EFR3B: variants seen among roughly 807,000 people sequenced by gnomAD.
The protein encoded by EFR3B is protein EFR3 homolog B.
EFR3B carries 64 observed loss-of-function variants against 104.7 expected under a neutral mutation model. The observed-to-expected ratio is 0.61, with a 90% CI of 0.50 to 0.75. The LOEUF is 0.75. EFR3B is among the 30% of genes least tolerant of loss of function. EFR3B has a pLI of 0.00. For synonymous variants in EFR3B, 385 were observed against 417.9 expected (o/e 0.92, Z 0.96); for missense variants, 750 against 1,078.5 (o/e 0.70, Z 4.27).
At chr2:25,118,681 GGAGTTT>G (rs1241310065) in intron 4 of EFR3B, among the ~76,000 whole-genome samples, 1 of 126,108 alleles carries the variant, frequency 7.9e-6, no homozygotes, top group Non-Finnish European at 1.6e-5. Context: ...CTTGATCCCA[GGAGTTT>G]GAGACCAGCC....
rs114542937 is a variant in EFR3B, at chr2:25,111,010, T to A, written c.363+7223T>A. On this transcript the variant is annotated intron_variant, in intron 4 of 22. Coordinates refer to ENST00000403714, the MANE Select transcript of EFR3B (RefSeq NM_014971.2). ...CCTCCATTCTGGATTTGTCTGGTTCTTTGCTGCGGTGTCACTTATCTGACT... is the reference window on the plus strand; with the variant it reads ...CCTCCATTCTGGATTTGTCTGGTTCATTGCTGCGGTGTCACTTATCTGACT... Among the ~76,000 whole-genome samples, 639 of 152,366 alleles carry A rather than the reference T, an allele frequency of 4.2e-3. 8 individuals are homozygous for A. Among genetic ancestry groups the A allele is most frequent in the African/African-American group, 0.015 (622 of 41,590 alleles).
chr2:25,154,511 C>A lies in EFR3B; in HGVS notation c.*171C>A. ...GACTCTCTGGTCCTTCTTGGCCCTC[C>A]TACCTCCTCCTCGTCTTCCCTGAGG... On this transcript the variant is annotated 3_prime_UTR_variant, in exon 23 of 23. Coordinates refer to ENST00000403714, the MANE Select transcript of EFR3B (RefSeq NM_014971.2). The surrounding 1 kb of genome is among the most constrained non-coding windows in gnomAD (Gnocchi z 4.1). The A allele has an allele frequency of 1.7e-6, 1 of 598,098 alleles. No individual in the cohort carries two copies. The highest frequency in any genetic ancestry group is 2.9e-5 in the East Asian group (1 of 34,292). The allele number at this position is 598,098 out of a possible 1,614,324, so 37.0% of individuals were successfully genotyped here. A position where few individuals can be genotyped will look rare whatever the true frequency, so the allele number is the denominator to read the frequency against.
At chr2:25,153,894 T>C (rs1412627344) in intron 22 of EFR3B, 133 bp downstream of exon 22, 1 of 982,600 alleles carries the variant, frequency 1.0e-6, no homozygotes, top group Non-Finnish European at 1.6e-6. Context: ...CTCTATCCCC[T>C]GGGCTGGAGT....
chr2:25,079,060 C>T (rs959775283), intron 1 of EFR3B, among the ~76,000 whole-genome samples: 16 of 152,112 alleles, frequency 1.1e-4, no homozygotes, highest in African/African-American at 3.6e-4. Flanking sequence ...AGAGGACCCC[C>T]TACAGTGGAG....
chr2:25,069,263 C>T (rs1207578197), intron 1 of EFR3B, among the ~76,000 whole-genome samples: 3 of 152,118 alleles, frequency 2.0e-5, no homozygotes, highest in Admixed American at 6.5e-5. Flanking sequence ...GGCACAGCAG[C>T]GAAGCCAGGG....
intron 3 of EFR3B, among the ~76,000 whole-genome samples, chr2:25,094,250 A>G (rs1301080543): frequency 7.5e-6 from 1 of 134,224 alleles, no homozygotes; most frequent in African/African-American, 2.9e-5. Flanking sequence ...GCACCACTGC[A>G]CTCTAGCCTG....
At chr2:25,051,288 A>ATT (rs1667861560) in intron 1 of EFR3B, among the ~76,000 whole-genome samples, 6 of 151,152 alleles carry the variant, frequency 4.0e-5, no homozygotes, top group Admixed American at 3.9e-4. Context: ...ATTTTTTTGT[A>ATT]TTTTTAGTAG....
At chr2:25,138,712 G>A (rs565198793) in intron 15 of EFR3B, among the ~76,000 whole-genome samples, 19 of 152,250 alleles carry the variant, frequency 1.2e-4, no homozygotes, top group African/African-American at 4.1e-4. Context: ...CTAAGAATCC[G>A]CTATAGTGAA....
chr2:25,072,306 G>C (rs1040227468), intron 1 of EFR3B, among the ~76,000 whole-genome samples: 6 of 152,094 alleles, frequency 3.9e-5, no homozygotes, highest in Non-Finnish European at 7.4e-5. Flanking sequence ...TTTGAGACAA[G>C]ATTTTGCTCT....
intron 1 of EFR3B, among the ~76,000 whole-genome samples, chr2:25,087,945 A>G (rs1229446045): frequency 6.6e-6 from 1 of 152,178 alleles, no homozygotes; most frequent in Non-Finnish European, 1.5e-5. Flanking sequence ...ATTCAGGTGA[A>G]TGATTTATTT....
At chr2:25,121,893 G>A in intron 5 of EFR3B, 99 bp downstream of exon 5, 1 of 1,484,116 alleles carries the variant, frequency 6.7e-7, no homozygotes, top group Non-Finnish European at 9.1e-7. Context: ...GTCTGCTTTT[G>A]TTAGTATCTG....
chr2:25,072,733 C>T (rs1668531957), intron 1 of EFR3B, among the ~76,000 whole-genome samples: 1 of 152,156 alleles, frequency 6.6e-6, no homozygotes, highest in African/African-American at 2.4e-5. Context: ...TTCAGAAAGC[C>T]CTCAAACAGC....
intron 3 of EFR3B, among the ~76,000 whole-genome samples, chr2:25,101,464 T>C (rs928714225): frequency 9.9e-5 from 15 of 152,234 alleles, no homozygotes; most frequent in African/African-American, 3.6e-4. Flanking sequence ...ATCCTCCCAC[T>C]TCAGCCTTTG....
intron 5 of EFR3B, among the ~76,000 whole-genome samples, chr2:25,122,379 C>T (rs1192618894): frequency 1.3e-5 from 2 of 152,114 alleles, no homozygotes; most frequent in Admixed American, 6.5e-5. Flanking sequence ...CACATGTGTA[C>T]ACACACACAG....
chr2:25,060,777 C>T (rs1409278330), intron 1 of EFR3B, among the ~76,000 whole-genome samples: 5 of 151,846 alleles, frequency 3.3e-5, no homozygotes, highest in Admixed American at 6.6e-5. Flanking sequence ...AAAAATTAGC[C>T]GGGCATGGTG....
Position 25,155,694 on chromosome 2 carries a change from TC to T in EFR3B, c.*1356del, listed in dbSNP as rs572217285. Reference sequence around the variant, plus strand: ...CTCCTCCCATGGCAGTGCCATGTGGTCCAAAATTGCCCTTTCCTTCTCCGTT... The same window carrying T: ...CTCCTCCCATGGCAGTGCCATGTGGTCAAAATTGCCCTTTCCTTCTCCGTT... On this transcript the variant is annotated 3_prime_UTR_variant, in exon 23 of 23. Coordinates refer to ENST00000403714, the MANE Select transcript of EFR3B (RefSeq NM_014971.2). 39 of 152,278 alleles carry T rather than the reference TC, an allele frequency of 2.6e-4. No individual in the cohort carries two copies. Among genetic ancestry groups the T allele is most frequent in the Admixed American group, 8.5e-4 (13 of 15,288 alleles). 9.4% of individuals were successfully genotyped at this position (152,278 alleles called of 1,614,324 possible). A position where few individuals can be genotyped will look rare whatever the true frequency, so the allele number is the denominator to read the frequency against.
At chr2:25,089,413 C>T (rs1476545870) in intron 1 of EFR3B, among the ~76,000 whole-genome samples, 1 of 152,158 alleles carries the variant, frequency 6.6e-6, no homozygotes. Context: ...GGAACTGACA[C>T]TACAATTTTT....
intron 1 of EFR3B, chr2:25,079,764 C>G (rs2149178655): frequency 1.7e-6 from 1 of 576,496 alleles, no homozygotes; most frequent in Non-Finnish European, 3.3e-6. Context: ...TAAATGCAAA[C>G]CAAATGTTTT....
At chr2:25,140,038 C>T (rs754454096) in intron 16 of EFR3B, among the ~76,000 whole-genome samples, 43 of 152,182 alleles carry the variant, frequency 2.8e-4, no homozygotes, top group Non-Finnish European at 4.9e-4. Flanking sequence ...GCAAGCCAGG[C>T]GCAGTGGCTC....
Sources: gnomAD v4.1 joint callset for allele counts (sites outside exome capture counted in the v4.1 genomes callset) on GRCh38, gnomAD v4.1.1 for gene constraint, Gnocchi (gnomAD v3.1) non-coding constraint, MANE v1.5 for transcripts, NCBI Gene and HGNC (gene_info 2026-07-23, HGNC 2026-07-21) for gene names.